Variants in YIF1B observed in about 807,000 individuals in gnomAD.
YIF1B encodes Yip1 interacting factor homolog B, membrane trafficking protein, also known as protein YIF1B.
In YIF1B, 24 loss-of-function variants were observed where a neutral mutation model predicts 34.6. That is an observed-to-expected ratio of 0.69 (90% CI 0.50 to 0.98). The LOEUF (loss-of-function observed/expected upper bound fraction) is 0.98, where lower values mean the gene tolerates loss of function less well. YIF1B is among the 50% of genes least tolerant of loss of function. The pLI, the probability that YIF1B is intolerant of heterozygous loss-of-function variation, is 0.00. For synonymous variants in YIF1B, 186 were observed against 184.8 expected (o/e 1.01, Z -0.05); for missense variants, 368 against 429.4 (o/e 0.86, Z 1.26).
intron 1 of YIF1B, chr19:38,309,980 C>CCATCCACT: frequency 9.4e-6 from 3 of 319,448 alleles, no homozygotes; most frequent in South Asian, 3.7e-5. Flanking sequence ...ATCCATTCAT[C>CCATCCACT]CATCCATCCA....
chr19:38,309,610 C>T lies in YIF1B; in HGVS notation c.92G>A (p.Gly31Asp). Residue 31 changes from glycine (G) to aspartate (D), a missense_variant, in exon 2 of 8, where the codon GGC becomes GAC. Transcript: ENST00000339413. ...GAAAAGCTGGTGGGGGTCGGCCATG[C>T]CCGGCTGGGACACAGGGATCCTCCG... ...SKRRIPVSQP[G>D]MADPHQLFDD... The T allele has an allele frequency of 1.9e-6, 3 of 1,598,818 alleles. No individual in the cohort carries two copies. Among genetic ancestry groups the T allele is most frequent in the African/African-American group, 1.3e-5 (1 of 74,880 alleles).
chr19:38,304,376 C>G lies in YIF1B; in HGVS notation c.*976G>C. ...CAACCACCCAACTTCTCTCCACAGC[C>G]CTGGAGCCCACCTCCCAGAAGCCCG... On this transcript the variant is annotated 3_prime_UTR_variant, in exon 8 of 8. Coordinates refer to ENST00000339413, the MANE Select transcript of YIF1B (RefSeq NM_001039672.3). 1.3e-6 allele frequency: 2 copies of G among 1,588,686 alleles called. No homozygotes were observed. Among genetic ancestry groups the G allele is most frequent in the Non-Finnish European group, 1.7e-6 (2 of 1,168,580 alleles).
At position 38,305,084 on chromosome 19, in the gene YIF1B, C is replaced by T; in HGVS notation, c.*268G>A. The T allele has an allele frequency of 6.7e-7, 1 of 1,499,228 alleles. No individual in the cohort carries two copies. Among genetic ancestry groups the T allele is most frequent in the Non-Finnish European group, 8.9e-7 (1 of 1,120,000 alleles). 92.9% of individuals were successfully genotyped at this position (1,499,228 alleles called of 1,614,324 possible). A position where few individuals can be genotyped will look rare whatever the true frequency, so the allele number is the denominator to read the frequency against. The stretch of plus-strand genomic sequence containing the variant: ...CTGCCCAGCGCTGGGCCCGCCCATT[C>T]GTGCGCGAGGCCAAGGAGAGGCTGT... On this transcript the variant is annotated 3_prime_UTR_variant, in exon 8 of 8. Transcript: ENST00000339413.
chr19:38,304,132 A>G lies in YIF1B; in HGVS notation c.*1220T>C, dbSNP rs1348143525. 3.5e-6 allele frequency: 4 copies of G among 1,136,362 alleles called. No individual in the cohort carries two copies. The highest frequency in any genetic ancestry group is 4.4e-5 in the Admixed American group (2 of 45,736). The allele number at this position is 1,136,362 out of a possible 1,614,324, so 70.4% of individuals were successfully genotyped here. A position where few individuals can be genotyped will look rare whatever the true frequency, so the allele number is the denominator to read the frequency against. ...GCCGGGCAATGAGTCAGGGCTGAGGACCAGGACAGAGGTTGGGTGGGGCGT... is the reference window on the plus strand; with the variant it reads ...GCCGGGCAATGAGTCAGGGCTGAGGGCCAGGACAGAGGTTGGGTGGGGCGT... On this transcript the variant is annotated 3_prime_UTR_variant, in exon 8 of 8. Coordinates refer to ENST00000339413, the MANE Select transcript of YIF1B (RefSeq NM_001039672.3).
rs1374430756 is a variant in YIF1B, at chr19:38,307,337, C to T, written c.789+91G>A. 4 of 1,419,488 alleles carry T rather than the reference C, an allele frequency of 2.8e-6. No individual in the cohort carries two copies. In the East Asian group the frequency reaches 9.7e-5, roughly 34 times the overall value. The allele number at this position is 1,419,488 out of a possible 1,614,324, so 87.9% of individuals were successfully genotyped here. On this transcript the variant is annotated intron_variant, in intron 7 of 7. Transcript: ENST00000339413. ...CTCAGTTCAGCAATGTGTCTCTGGTCTGAACCCCACACCTGACATCCTCTG... is the reference window on the plus strand; with the variant it reads ...CTCAGTTCAGCAATGTGTCTCTGGTTTGAACCCCACACCTGACATCCTCTG...
At chr19:38,312,909 C>G (rs1969380057) in intron 1 of YIF1B, among the ~76,000 whole-genome samples, 1 of 152,140 alleles carries the variant, frequency 6.6e-6, no homozygotes, top group Non-Finnish European at 1.5e-5. Context: ...AGCACTGGCC[C>G]CAGCCTCTCT....
chr19:38,316,434 AG>A (rs1185588610), upstream of YIF1B, among the ~76,000 whole-genome samples: 1 of 151,980 alleles, frequency 6.6e-6, no homozygotes, highest in Non-Finnish European at 1.5e-5. Flanking sequence ...GGATCGCTTG[AG>A]CCCAGGAGTT....
At position 38,312,690 on chromosome 19, in the gene YIF1B, C is replaced by G. The variant is rs144102033; in HGVS notation, c.59-3047G>C. Among the ~76,000 whole-genome samples, 808 of 152,336 alleles carry G rather than the reference C, an allele frequency of 5.3e-3. 5 individuals are homozygous for G. The highest frequency in any genetic ancestry group is 0.019 in the African/African-American group (781 of 41,578). ...GGGAGAGGAATCGAATTATCCACGT[C>G]ATGACTTTCTCTGCACCTGGATGTT... On this transcript the variant is annotated intron_variant, in intron 1 of 7. Coordinates refer to ENST00000339413, the MANE Select transcript of YIF1B (RefSeq NM_001039672.3).
upstream of YIF1B, among the ~76,000 whole-genome samples, chr19:38,319,138 A>C (rs889254928): frequency 2.6e-5 from 4 of 151,204 alleles, no homozygotes; most frequent in African/African-American, 9.7e-5. Context: ...TTTTTTTTAG[A>C]GATAGGGTCT....
In YIF1B at chr19:38,305,301, C is replaced by T; in HGVS notation, c.*51G>A. On this transcript the variant is annotated 3_prime_UTR_variant, in exon 8 of 8. Coordinates refer to ENST00000339413, the MANE Select transcript of YIF1B (RefSeq NM_001039672.3). ...GCAGGCAGGAGATGAGTTCGGCGGC[C>T]ACAGTGGCCCCCAGCAGCAGCAGCA... The T allele has an allele frequency of 1.3e-6, 2 of 1,576,458 alleles. No individual in the cohort carries two copies. The highest frequency in any genetic ancestry group is 1.7e-6 in the Non-Finnish European group (2 of 1,159,558).
rs865899220 is a variant in YIF1B, at chr19:38,305,112, A to G, written c.*240T>C. ...GCGCGAGGCCAAGGAGAGGCTGTCC[A>G]CGCCATGCCCATCAGGGTTTATTGT... On this transcript the variant is annotated 3_prime_UTR_variant, in exon 8 of 8. Coordinates refer to ENST00000339413, the MANE Select transcript of YIF1B (RefSeq NM_001039672.3). 49 of 1,453,246 alleles carry G rather than the reference A, an allele frequency of 3.4e-5. No individual in the cohort carries two copies. The South Asian group carries it at 6.5e-4, about 19-fold the overall frequency. The allele number at this position is 1,453,246 out of a possible 1,614,324, so 90.0% of individuals were successfully genotyped here.
At chr19:38,319,413 G>A (rs771324812), upstream of YIF1B, among the ~76,000 whole-genome samples, 2 of 152,098 alleles carry the variant, frequency 1.3e-5, no homozygotes, top group African/African-American at 2.4e-5. Flanking sequence ...CTGTCCACAC[G>A]GGCACAGGGG....
upstream of YIF1B, among the ~76,000 whole-genome samples, chr19:38,320,542 C>T (rs906186145): frequency 6.4e-4 from 95 of 149,042 alleles, no homozygotes; most frequent in East Asian, 2.2e-3. Flanking sequence ...CCCCGTTCCT[C>T]GGTCTTTTTT....
At chr19:38,315,597 G>A (rs1264880217) in intron 1 of YIF1B, 9 of 1,509,498 alleles carry the variant, frequency 6.0e-6, no homozygotes, top group Admixed American at 2.1e-5. Context: ...AGGGAAGGGC[G>A]GATCGCTAAC....
intron 1 of YIF1B, among the ~76,000 whole-genome samples, chr19:38,310,597 A>AG (rs1000276430): frequency 9.2e-5 from 14 of 152,024 alleles, no homozygotes; most frequent in African/African-American, 3.1e-4. Context: ...TGCGAGAGGA[A>AG]GGGGGGGCTA....
chr19:38,304,835 G>A lies in YIF1B; in HGVS notation c.*517C>T, dbSNP rs1429069806. The stretch of plus-strand genomic sequence containing the variant: ...TCTCTTCTCTCCCATCCCTGCCCTC[G>A]GCCCCACAGTCCCACGCTGCTGGCT... On this transcript the variant is annotated 3_prime_UTR_variant, in exon 8 of 8. Coordinates refer to ENST00000339413, the MANE Select transcript of YIF1B (RefSeq NM_001039672.3). The A allele has an allele frequency of 6.2e-7, 1 of 1,613,418 alleles. No homozygotes were observed. Among genetic ancestry groups the A allele is most frequent in the African/African-American group, 1.3e-5 (1 of 74,876 alleles).
At chr19:38,313,724 C>T (rs948666317) in intron 1 of YIF1B, among the ~76,000 whole-genome samples, 2 of 152,272 alleles carry the variant, frequency 1.3e-5, no homozygotes, top group African/African-American at 4.8e-5. Context: ...CACCAGCCAG[C>T]CACATGGCCT....
Position 38,309,639 on chromosome 19 carries a change from C to T in YIF1B, c.63G>A (p.Ser21=), listed in dbSNP as rs376897218. ...AGTPRLRKWP[S]KRRIPVSQPG... ...GCTGGGACACAGGGATCCTCCGCTTCGAGGCTGCAAGGGAAGAGAGTGAGA... is the reference window on the plus strand; with the variant it reads ...GCTGGGACACAGGGATCCTCCGCTTTGAGGCTGCAAGGGAAGAGAGTGAGA... Residue 21 remains serine (S), a synonymous_variant, in exon 2 of 8, where the codon TCG becomes TCA. Coordinates refer to ENST00000339413, the MANE Select transcript of YIF1B (RefSeq NM_001039672.3). The T allele has an allele frequency of 3.6e-5, 58 of 1,597,916 alleles. 1 individual carries two copies. In the Middle Eastern group the frequency reaches 5.0e-4, roughly 14 times the overall value.
upstream of YIF1B, among the ~76,000 whole-genome samples, chr19:38,318,786 C>G (rs1476957500): frequency 6.6e-6 from 1 of 152,156 alleles, no homozygotes; most frequent in Non-Finnish European, 1.5e-5. Flanking sequence ...CTCTGCCAGT[C>G]GGATGGGGTT....
Sources: allele counts gnomAD v4.1 joint callset (sites outside exome capture counted in the v4.1 genomes callset), GRCh38; gene constraint gnomAD v4.1.1; transcripts MANE v1.5; gene names NCBI Gene and HGNC (gene_info 2026-07-23, HGNC 2026-07-21).